The following ELP5 variants were observed in gnomAD, a reference collection of about 807,000 sequenced individuals.
ELP5 encodes elongator acetyltransferase complex subunit 5.
A neutral mutation model predicts 33.4 loss-of-function variants in ELP5; 34 were observed. That is an observed-to-expected ratio of 1.02 (90% CI 0.78 to 1.36). The LOEUF is 1.36. ELP5 is among the 40% of genes most tolerant of loss of function. The pLI, the probability that ELP5 is intolerant of heterozygous loss-of-function variation, is 0.00. For synonymous variants in ELP5, 161 were observed against 146.4 expected, an observed-to-expected ratio of 1.10 and a Z score of -0.72; for missense variants, 373 against 371.7, an observed-to-expected ratio of 1.00 and a Z score of -0.03.
chr17:7,254,884 T>G (rs402514), intron 4 of ELP5, 81 bp downstream of exon 4: 809,071 of 1,252,196 alleles, frequency 0.65, 264,166 homozygotes, highest in African/African-American at 0.85. Flanking sequence ...TACCCTAGAA[T>G]AAACATCTGG....
intron 1 of ELP5, 53 bp from the exon 2 acceptor site, chr17:7,252,717 G>C (rs779348581): frequency 2.2e-5 from 36 of 1,613,044 alleles, no homozygotes; most frequent in Non-Finnish European, 3.1e-5. Flanking sequence ...ACGGGTTCGC[G>C]AAGGCGGTAA....
intron 1 of ELP5, 76 bp downstream of exon 1, chr17:7,252,672 G>A: frequency 1.2e-6 from 2 of 1,604,810 alleles, no homozygotes; most frequent in Non-Finnish European, 1.7e-6. Context: ...TGGGCAGGAA[G>A]GGCCAGGGGT....
chr17:7,254,824 T>C, intron 4 of ELP5, 21 bp downstream of exon 4: 1 of 1,598,218 alleles, frequency 6.3e-7, no homozygotes, highest in Non-Finnish European at 8.6e-7. Flanking sequence ...TCCTTCATTG[T>C]TTCCCCTCAT....
In ELP5 at chr17:7,256,919, C is replaced by G. The variant is rs778118234; in HGVS notation, c.472C>G (p.Pro158Ala). Residue 158 changes from proline to alanine, a missense_variant, in exon 5 of 8, where the codon CCA (proline) becomes GCA (alanine). By Grantham distance (27) the Pro-to-Ala change is conservative. Coordinates refer to ENST00000396628, the MANE Select transcript of ELP5 (RefSeq NM_203414.3). ...CTTGCTACATGAAGAGCTTCATGGACCAGGCCCTGTGGGAGCTCTCAGCAG... is the reference window on the plus strand; with the variant it reads ...CTTGCTACATGAAGAGCTTCATGGAGCAGGCCCTGTGGGAGCTCTCAGCAG... ...LGLLHEELHG[P>A]GPVGALSSLA... is the part of the protein sequence containing the mutation. The G allele has an allele frequency of 8.1e-6, 13 of 1,614,020 alleles. No individual in the cohort carries two copies. The African/African-American group carries it at 1.5e-4, about 18-fold the overall frequency.
rs1257966013 is a variant in ELP5, at chr17:7,252,927, A to C, written c.117A>C (p.Gln39His). Residue 39 changes from glutamine to histidine, a missense_variant, in exon 3 of 8, where the codon CAA becomes CAC. Gln to His is a conservative substitution (Grantham distance 24). Coordinates refer to ENST00000396628, the MANE Select transcript of ELP5 (RefSeq NM_203414.3). ...LVKKSALCGE[Q>H]VHILGCEVSE... is the part of the protein sequence containing the mutation. ...CTCATCTCTGCCTTAGTGGGGAGCA[A>C]GTGCATATCCTGGGCTGTGAAGTGA... The C allele has an allele frequency of 6.2e-7, 1 of 1,614,186 alleles. No homozygotes were observed. The highest frequency in any genetic ancestry group is 2.2e-5 in the East Asian group (1 of 44,880).
intron 4 of ELP5, 70 bp from the exon 5 acceptor site, chr17:7,256,787 C>T: frequency 6.6e-7 from 1 of 1,511,250 alleles, no homozygotes; most frequent in Non-Finnish European, 9.2e-7. Flanking sequence ...GCTCTCTCTT[C>T]TTCACTGTTA....
Position 7,252,333 on chromosome 17 carries a change from T to A in ELP5, c.-218T>A. The A allele has an allele frequency of 1.5e-6, 1 of 657,112 alleles. No individual in the cohort carries two copies. The allele number at this position is 657,112 out of a possible 1,614,324, so 40.7% of individuals were successfully genotyped here. A position where few individuals can be genotyped will look rare whatever the true frequency, so the allele number is the denominator to read the frequency against. ...ACAGTGAAAATGTAGACGGGGTCGT[T>A]GTCCGTACGACTGTGCGCCAGGGCT... On this transcript the variant is annotated 5_prime_UTR_variant, in exon 1 of 8. Transcript: ENST00000396628.
At chr17:7,253,668 C>T (rs1164805165) in intron 3 of ELP5, among the ~76,000 whole-genome samples, 1 of 152,180 alleles carries the variant, frequency 6.6e-6, no homozygotes, top group African/African-American at 2.4e-5. Flanking sequence ...TTGCATCAGC[C>T]ATTGTTGTGA....
rs138153799 is a variant in ELP5, at chr17:7,258,833, C to T, written c.695C>T (p.Pro232Leu). 2.7e-5 allele frequency: 44 copies of T among 1,613,936 alleles called. No homozygotes were observed. Among genetic ancestry groups the T allele is most frequent in the Non-Finnish European group, 3.6e-5 (42 of 1,180,012 alleles). ...CATCCTTTGTACCTACAGGTGGATCCCACAACTCATTTGACCTTTAACCTT... is the reference window on the plus strand; with the variant it reads ...CATCCTTTGTACCTACAGGTGGATCTCACAACTCATTTGACCTTTAACCTT... ...YSDPHIPPVD[P>L]TTHLTFNLHL... Residue 232 changes from proline (P) to leucine (L), a missense_variant, in exon 7 of 8, where the codon CCC (proline) becomes CTC (leucine). Pro to Leu is a moderately conservative substitution (Grantham distance 98, BLOSUM62 -3). Transcript: ENST00000396628.
intron 3 of ELP5, 67 bp downstream of exon 3, chr17:7,253,065 A>T: frequency 1.3e-6 from 2 of 1,489,428 alleles, no homozygotes; most frequent in Non-Finnish European, 1.9e-6. Flanking sequence ...TTTCTTTACA[A>T]CAAGCGCAGA....
chr17:7,252,205 G>T (rs917897387), upstream of ELP5: 22 of 418,754 alleles, frequency 5.3e-5, no homozygotes, highest in Non-Finnish European at 5.3e-5. Context: ...TGGGCGGGGA[G>T]AGTGACGTCA....
rs368386958 is a variant in ELP5 at position 7,254,741 on chromosome 17, G to C, written c.347G>C (p.Arg116Pro). The change falls in exon 4 of 8, where the codon CGC (arginine) becomes CCC (proline). Residue 116 changes from arginine to proline, a missense_variant. Transcript: ENST00000396628. ...ALDSLSWLLL[R>P]LPCTTLCQVL... is the part of the protein sequence containing the mutation. ...GATTCACTCAGCTGGCTGCTACTTC[G>C]CCTTCCCTGCACCACACTCTGCCAG... is the stretch of plus-strand genomic sequence containing the variant. The C allele has an allele frequency of 6.2e-7, 1 of 1,613,882 alleles. No individual in the cohort carries two copies. Among genetic ancestry groups the C allele is most frequent in the Non-Finnish European group, 8.5e-7 (1 of 1,180,008 alleles).
rs996052635 is a variant in ELP5, at chr17:7,257,025, G to A, written c.578G>A (p.Arg193His). The A allele has an allele frequency of 3.8e-6, 6 of 1,592,654 alleles. No homozygotes were observed. The highest frequency in any genetic ancestry group is 1.1e-5 in the South Asian group (1 of 89,214). Residue 193 changes from arginine to histidine, a missense_variant, in exon 5 of 8, where the codon CGC (arginine) becomes CAC (histidine). Physicochemically the swap from Arg to His is conservative, Grantham distance 29 (BLOSUM62 0). Transcript: ENST00000396628. ...AHILCRRPRQRPTDQTQWFSI... is the reference protein window; with the variant it reads ...AHILCRRPRQHPTDQTQWFSI... ...ATCCTGTGTCGGAGGCCCCGACAGC[G>A]CCCAACTGACCAGGTCAGAAGAACC...
Position 7,259,292 on chromosome 17 carries a change from C to T in ELP5, c.789-279C>T, listed in dbSNP as rs1157141371. 5 of 1,382,196 alleles carry T rather than the reference C, an allele frequency of 3.6e-6. No homozygotes were observed. The Admixed American group carries it at 1.5e-4, about 42-fold the overall frequency. The allele number at this position is 1,382,196 out of a possible 1,614,324, so 85.6% of individuals were successfully genotyped here. A position where few individuals can be genotyped will look rare whatever the true frequency, so the allele number is the denominator to read the frequency against. On this transcript the variant is annotated intron_variant, in intron 7 of 7. Coordinates refer to ENST00000396628, the MANE Select transcript of ELP5 (RefSeq NM_203414.3). ...AAGGGCTTAGTACACGCTTGCTGTT[C>T]TGTGCCCAGTATGTGGGCGGATGAC...
chr17:7,252,385 G>GC lies in ELP5; in HGVS notation c.-160dup, dbSNP rs981611886. ...GGGGAGGGGCGCCCTCCGCGTGAGC[G>GC]CCCCCCTGGGAATATTGAACATAAT... On this transcript the variant is annotated 5_prime_UTR_variant, in exon 1 of 8. Transcript: ENST00000396628. 7 of 1,054,964 alleles carry GC rather than the reference G, an allele frequency of 6.6e-6. No individual in the cohort carries two copies. Among genetic ancestry groups the GC allele is most frequent in the Admixed American group, 2.1e-5 (1 of 47,686 alleles). 65.4% of individuals were successfully genotyped at this position (1,054,964 alleles called of 1,614,324 possible).
chr17:7,256,562 A>T (rs571088123), intron 4 of ELP5, among the ~76,000 whole-genome samples: 109 of 152,336 alleles, frequency 7.2e-4, no homozygotes, highest in African/African-American at 2.3e-3. Flanking sequence ...GTAAGAGATG[A>T]GGCTGGAAAG....
At chr17:7,253,330 A>T (rs1378478552) in intron 3 of ELP5, among the ~76,000 whole-genome samples, 1 of 152,188 alleles carries the variant, frequency 6.6e-6, no homozygotes, top group Non-Finnish European at 1.5e-5. Context: ...TGTGCAAGAT[A>T]CTGGAGACGG....
At chr17:7,256,687 T>C (rs1368023416) in intron 4 of ELP5, among the ~76,000 whole-genome samples, 170 bp from the exon 5 acceptor site, 1 of 152,134 alleles carries the variant, frequency 6.6e-6, no homozygotes, top group Admixed American at 6.6e-5. Flanking sequence ...TAGAGGAGAT[T>C]AAGGTGTGGG....
In ELP5 at chr17:7,254,658, G is replaced by T. The variant is rs1411915172; in HGVS notation, c.264G>T (p.Leu88=). The part of the protein sequence containing the change: ...KTEEAFPGGP[L]GALRAMCKRT... ...AGGAGGCCTTTCCTGGGGGGCCGCT[G>T]GGAGCCTTGAGAGCCATGTGCAAGA... Residue 88 remains leucine, a synonymous_variant, in exon 4 of 8, where the codon CTG becomes CTT. Coordinates refer to ENST00000396628, the MANE Select transcript of ELP5 (RefSeq NM_203414.3). 1 of 1,614,126 alleles carries T rather than the reference G, an allele frequency of 6.2e-7. No individual in the cohort carries two copies.
Sources: gnomAD v4.1 joint callset for allele counts (sites outside exome capture counted in the v4.1 genomes callset) on GRCh38, gnomAD v4.1.1 for gene constraint, MANE v1.5 for transcripts, NCBI Gene and HGNC (gene_info 2026-07-23, HGNC 2026-07-21) for gene names.